Variants in SLC2A13 observed in about 807,000 individuals in gnomAD.
SLC2A13 encodes the protein solute carrier family 2 member 13.
A neutral mutation model predicts 64.4 loss-of-function variants in SLC2A13; 32 were observed. That is an observed-to-expected ratio of 0.50 (90% CI 0.37 to 0.67). The LOEUF (loss-of-function observed/expected upper bound fraction) is 0.67, where lower values mean the gene tolerates loss of function less well. Ranked by LOEUF, SLC2A13 falls within the 30% of genes least tolerant of loss-of-function variation. SLC2A13 has a pLI of 0.00. For synonymous variants in SLC2A13, 338 were observed against 327.1 expected, an observed-to-expected ratio of 1.03 and a Z score of -0.36; for missense variants, 743 against 829.2, an observed-to-expected ratio of 0.90 and a Z score of 1.28.
intron 1 of SLC2A13, among the ~76,000 whole-genome samples, chr12:40,074,649 G>C (rs959916070): frequency 3.9e-5 from 6 of 152,110 alleles, no homozygotes; most frequent in African/African-American, 1.4e-4. Flanking sequence ...CAGAACCCCT[G>C]ACATATCTGA....
intron 3 of SLC2A13, among the ~76,000 whole-genome samples, chr12:39,968,760 G>GTTTATATATATATATATATATA (rs1555144118): frequency 3.3e-5 from 2 of 59,846 alleles, no homozygotes; most frequent in Non-Finnish European, 9.1e-5. Flanking sequence ...TTTTTTTTTG[G>GTTTATATATATATATATATATA]TATATATATA....
intron 4 of SLC2A13, among the ~76,000 whole-genome samples, chr12:39,896,384 G>GTATATGTGTA (rs1565528223): frequency 8.4e-6 from 1 of 119,156 alleles, no homozygotes; most frequent in African/African-American, 4.2e-5. Context: ...ATATATGTAT[G>GTATATGTGTA]TATATGTGTA....
At chr12:39,872,454 ACAG>A (rs200002977) in intron 4 of SLC2A13, among the ~76,000 whole-genome samples, 1,897 of 152,326 alleles carry the variant, frequency 0.012, 51 homozygotes, top group African/African-American at 0.043. Flanking sequence ...AATGAGTAAG[ACAG>A]TGTCAGAATG....
intron 7 of SLC2A13, among the ~76,000 whole-genome samples, chr12:39,765,783 A>G (rs1319664467): frequency 1.3e-5 from 2 of 152,050 alleles, no homozygotes; most frequent in Non-Finnish European, 2.9e-5. Context: ...TTTGTTACAT[A>G]GGTAAATGCG....
chr12:40,067,461 A>G (rs984644602), intron 1 of SLC2A13, among the ~76,000 whole-genome samples: 16 of 152,198 alleles, frequency 1.1e-4, no homozygotes, highest in African/African-American at 3.6e-4. Flanking sequence ...TTTATTTGAA[A>G]GAACTTTACT....
chr12:40,039,433 G>A (rs1948046630), intron 2 of SLC2A13, among the ~76,000 whole-genome samples: 2 of 152,058 alleles, frequency 1.3e-5, no homozygotes, highest in South Asian at 2.1e-4. Flanking sequence ...ATACCATTTT[G>A]CTATTTGCTA....
At chr12:39,947,729 C>T (rs1256878107) in intron 4 of SLC2A13, among the ~76,000 whole-genome samples, 5 of 144,992 alleles carry the variant, frequency 3.4e-5, no homozygotes, top group Non-Finnish European at 5.9e-5. Context: ...GGCATGATCT[C>T]GGCTCACTTC....
At chr12:40,070,742 T>C (rs1013242565) in intron 1 of SLC2A13, among the ~76,000 whole-genome samples, 1 of 152,198 alleles carries the variant, frequency 6.6e-6, no homozygotes, top group African/African-American at 2.4e-5. Context: ...TTTTCTTCTG[T>C]TGTGACCATC....
intron 2 of SLC2A13, among the ~76,000 whole-genome samples, chr12:40,046,645 AAAAG>A (rs1414704144): frequency 1.3e-5 from 2 of 151,984 alleles, no homozygotes; most frequent in Admixed American, 6.6e-5. Flanking sequence ...AGAAAAAAAA[AAAAG>A]AAGAAAGAAA....
chr12:39,914,545 G>A (rs1945489148), intron 4 of SLC2A13, among the ~76,000 whole-genome samples: 1 of 151,952 alleles, frequency 6.6e-6, no homozygotes, highest in Non-Finnish European at 1.5e-5. Context: ...CTGTTAAAGG[G>A]TGCAGAAGAA....
At chr12:40,076,519 G>C (rs1016228695) in intron 1 of SLC2A13, among the ~76,000 whole-genome samples, 4 of 152,094 alleles carry the variant, frequency 2.6e-5, no homozygotes, top group Admixed American at 2.6e-4. Context: ...AGTATTCCAT[G>C]GTGTATATGT....
At chr12:39,821,919 T>G (rs1942524671) in intron 7 of SLC2A13, among the ~76,000 whole-genome samples, 2 of 152,188 alleles carry the variant, frequency 1.3e-5, no homozygotes, top group African/African-American at 4.8e-5. Context: ...AGAATATTAT[T>G]AATTTTTTTA....
intron 6 of SLC2A13, among the ~76,000 whole-genome samples, chr12:39,837,630 C>A (rs868348137): frequency 0.012 from 1,827 of 148,002 alleles, 12 homozygotes; most frequent in Non-Finnish European, 0.015. Context: ...CAATGAACTC[C>A]AACAAATTTA....
At chr12:40,063,796 A>G (rs917638085) in intron 1 of SLC2A13, among the ~76,000 whole-genome samples, 1 of 152,208 alleles carries the variant, frequency 6.6e-6, no homozygotes, top group African/African-American at 2.4e-5. Context: ...CTTACCCCAG[A>G]AAAATGTTGA....
In SLC2A13 at chr12:40,105,297, T is replaced by C; in HGVS notation, c.512A>G (p.Lys171Arg). Residue 171 changes from lysine to arginine, a missense_variant, in exon 1 of 10, where the codon AAG becomes AGG. Coordinates refer to ENST00000280871, the MANE Select transcript of SLC2A13 (RefSeq NM_052885.4). The surrounding 1 kb of genome is among the most constrained non-coding windows in gnomAD (Gnocchi z 4.2). ...GSAVLAAANNKETLLAGRLVV... is the reference protein window; with the variant it reads ...GSAVLAAANNRETLLAGRLVV... ...CAGGCGGCCGGCGAGCAGTGTCTCC[T>C]TGTTGTTGGCCGCAGCCAGCACCGC... 2 of 1,602,434 alleles carry C rather than the reference T, an allele frequency of 1.2e-6. No individual in the cohort carries two copies. The highest frequency in any genetic ancestry group is 1.7e-4 in the Middle Eastern group (1 of 5,814).
chr12:39,950,365 C>T (rs1454093408), intron 4 of SLC2A13: 1 of 152,076 alleles, frequency 6.6e-6, no homozygotes, highest in Non-Finnish European at 1.5e-5. Context: ...GGGAGGACTT[C>T]TAAGATGTGG....
chr12:39,994,023 A>G (rs1054129465), intron 3 of SLC2A13, among the ~76,000 whole-genome samples: 20 of 152,318 alleles, frequency 1.3e-4, no homozygotes, highest in African/African-American at 4.8e-4. Flanking sequence ...ATAAAATGTA[A>G]TAACTGTAGA....
intron 4 of SLC2A13, among the ~76,000 whole-genome samples, chr12:39,939,597 CATTATCAGCCAT>C (rs1945983858): frequency 1.3e-5 from 2 of 152,160 alleles, no homozygotes; most frequent in African/African-American, 4.8e-5. Flanking sequence ...GATAAAGAGG[CATTATCAGCCAT>C]AACCTAGATT....
chr12:39,795,511 G>GT (rs1186927109), intron 7 of SLC2A13, among the ~76,000 whole-genome samples: 3 of 152,096 alleles, frequency 2.0e-5, no homozygotes, highest in Non-Finnish European at 4.4e-5. Context: ...ATGACTGGGT[G>GT]TTTCACTGAT....
Sources: gnomAD v4.1 joint callset for allele counts (sites outside exome capture counted in the v4.1 genomes callset) on GRCh38, gnomAD v4.1.1 for gene constraint, Gnocchi (gnomAD v3.1) non-coding constraint, MANE v1.5 for transcripts, NCBI Gene and HGNC (gene_info 2026-07-23, HGNC 2026-07-21) for gene names.